The following SETD2 variants were observed in gnomAD, a reference collection of about 807,000 sequenced individuals.
The protein encoded by SETD2 is histone-lysine N-methyltransferase SETD2.
In SETD2, 31 loss-of-function variants were observed where a neutral mutation model predicts 242.1. The ratio of observed to expected loss-of-function variants is 0.13; its 90% confidence interval spans 0.10 to 0.17. SETD2 has a LOEUF of 0.17. Among genes scored for constraint, SETD2 ranks in the 10% least tolerant of loss-of-function variants. The pLI, the probability that SETD2 is intolerant of heterozygous loss-of-function variation, is 1.00. For missense variants in SETD2, 2,481 were observed against 3,046.3 expected, an observed-to-expected ratio of 0.81 and a Z score of 4.37; for synonymous variants, 1,006 against 1,066.5, an observed-to-expected ratio of 0.94 and a Z score of 1.11.
rs2107589287 is a variant in SETD2, at chr3:47,062,258, G to A, written c.6198C>T (p.Asp2066=). ...TPNRSRERDP[D]KQTQNKEKRK... ...TTTTCTCTTTATTTTGAGTTTGCTT[G>A]TCTGGGTCTCTCTCTCTTGACCTAT... Residue 2066 remains aspartate, a synonymous_variant, in exon 14 of 21, where the codon GAC becomes GAT. Coordinates refer to ENST00000409792, the MANE Select transcript of SETD2 (RefSeq NM_014159.7). 1 of 1,613,948 alleles carries A rather than the reference G, an allele frequency of 6.2e-7. No individual in the cohort carries two copies. The highest frequency in any genetic ancestry group is 1.1e-5 in the South Asian group (1 of 91,064).
intron 15 of SETD2, among the ~76,000 whole-genome samples, chr3:47,049,339 A>G (rs1484125072): frequency 4.7e-5 from 6 of 127,196 alleles, no homozygotes; most frequent in African/African-American, 1.8e-4. Context: ...ATATATATAT[A>G]TATATATATG....
Position 47,040,995 on chromosome 3 carries a change from T to C in SETD2, c.7238+1566A>G, listed in dbSNP as rs190400137. 8.5e-3 allele frequency among the ~76,000 whole-genome samples: 1,299 copies of C among 152,262 alleles called. 8 individuals carry two copies. Among genetic ancestry groups the C allele is most frequent in the Non-Finnish European group, 0.014 (923 of 68,022 alleles). ...ACCTGTTTTGCCCAACAATTCCACTTCTAAGTACCCTCTCGAAGAAGTAGT... is the reference window on the plus strand; with the variant it reads ...ACCTGTTTTGCCCAACAATTCCACTCCTAAGTACCCTCTCGAAGAAGTAGT... On this transcript the variant is annotated intron_variant, in intron 17 of 20. Coordinates refer to ENST00000409792, the MANE Select transcript of SETD2 (RefSeq NM_014159.7).
At chr3:47,084,853 C>T (rs2041484187) in intron 11 of SETD2, among the ~76,000 whole-genome samples, 1 of 151,884 alleles carries the variant, frequency 6.6e-6, no homozygotes, top group African/African-American at 2.4e-5. Flanking sequence ...GCCTCAGCCT[C>T]CCGAGGAGCT....
At chr3:47,157,279 A>G (rs914726736) in intron 1 of SETD2, among the ~76,000 whole-genome samples, 1 of 152,148 alleles carries the variant, frequency 6.6e-6, no homozygotes, top group Non-Finnish European at 1.5e-5. Flanking sequence ...AAAATTAGCC[A>G]GGAGTGGTGG....
Position 47,121,138 on chromosome 3 carries a change from A to C in SETD2, c.3498T>G (p.Asp1166Glu), listed in dbSNP as rs2106640709. 1 of 1,614,142 alleles carries C rather than the reference A, an allele frequency of 6.2e-7. No individual in the cohort carries two copies. The highest frequency in any genetic ancestry group is 8.5e-7 in the Non-Finnish European group (1 of 1,180,008). ...CTGTATGACTTGTACTATCAACCCCATCACTCTGAGGATGAGAAAGTTCAG... is the reference window on the plus strand; with the variant it reads ...CTGTATGACTTGTACTATCAACCCCCTCACTCTGAGGATGAGAAAGTTCAG... ...RLPELSHPQS[D>E]GVDSTSHTDV... The change falls in exon 3 of 21, where the codon GAT becomes GAG. Residue 1166 changes from aspartate to glutamate, a missense_variant. By Grantham distance (45) the Asp-to-Glu change is conservative. Around this residue, in one of 17 missense-constraint regions of SETD2, gnomAD observed 1,300 missense variants for 1,259.2 expected, o/e 1.03. Transcript: ENST00000409792.
intron 18 of SETD2, among the ~76,000 whole-genome samples, chr3:47,023,765 C>T (rs71328912): frequency 0.086 from 13,074 of 152,136 alleles, 750 homozygotes; most frequent in Non-Finnish European, 0.13. Context: ...GGGTATTATA[C>T]GCAACACAGA....
intron 14 of SETD2, among the ~76,000 whole-genome samples, chr3:47,059,440 G>A (rs1314037511): frequency 1.4e-5 from 2 of 145,096 alleles, no homozygotes; most frequent in African/African-American, 5.1e-5. Flanking sequence ...TTTTTTTTGA[G>A]ACGGAGTCTT....
At chr3:47,042,486 A>G (rs2039325886) in intron 17 of SETD2, 75 bp downstream of exon 17, 2 of 1,473,668 alleles carry the variant, frequency 1.4e-6, no homozygotes, top group Admixed American at 1.7e-5. Flanking sequence ...TTACAACTGT[A>G]AAACTCCCCT....
chr3:47,084,769 T>C (rs1178866437), intron 11 of SETD2, among the ~76,000 whole-genome samples: 1 of 151,864 alleles, frequency 6.6e-6, no homozygotes, highest in Non-Finnish European at 1.5e-5. Flanking sequence ...TTCGCTCTTG[T>C]TGCCCAGGCT....
At chr3:47,042,726 G>A (rs1366049386) in intron 16 of SETD2, 26 bp from the exon 17 acceptor site, 1 of 1,573,342 alleles carries the variant, frequency 6.4e-7, no homozygotes, top group Non-Finnish European at 8.6e-7. Context: ...ACACATTTTT[G>A]ATCAGTGATC....
intron 13 of SETD2, among the ~76,000 whole-genome samples, chr3:47,065,093 T>C (rs1332893335): frequency 1.3e-5 from 2 of 152,150 alleles, no homozygotes; most frequent in Admixed American, 6.5e-5. Flanking sequence ...GTGCTACTAA[T>C]AGTTTTAACT....
At chr3:47,090,839 G>C (rs2041775171) in intron 9 of SETD2, among the ~76,000 whole-genome samples, 1 of 152,086 alleles carries the variant, frequency 6.6e-6, no homozygotes, top group Non-Finnish European at 1.5e-5. Flanking sequence ...AAGCTAAAAG[G>C]AAAGAATCTT....
intron 1 of SETD2, among the ~76,000 whole-genome samples, chr3:47,160,626 TTTA>T (rs1388540586): frequency 2.0e-5 from 3 of 152,142 alleles, no homozygotes; most frequent in African/African-American, 7.2e-5. Context: ...TTCTATATCA[TTTA>T]TTATCACCCC....
intron 18 of SETD2, chr3:47,029,007 C>A (rs11917361): frequency 0.26 from 55,673 of 210,154 alleles, 9,653 homozygotes; most frequent in Middle Eastern, 0.36. Context: ...GCTCGACCAT[C>A]TCAATGTCAC....
At chr3:47,050,932 C>T (rs2039810239) in intron 15 of SETD2, among the ~76,000 whole-genome samples, 1 of 151,522 alleles carries the variant, frequency 6.6e-6, no homozygotes, top group South Asian at 2.1e-4. Context: ...AAGGTTTCAC[C>T]ATGTTGGCCA....
intron 18 of SETD2, among the ~76,000 whole-genome samples, chr3:47,029,351 C>T (rs377448420): frequency 6.6e-6 from 1 of 151,802 alleles, no homozygotes; most frequent in Non-Finnish European, 1.5e-5. Flanking sequence ...TGAGCCACTG[C>T]GTCAAGCCAC....
At chr3:47,115,403 A>G (rs1218443755) in intron 4 of SETD2, among the ~76,000 whole-genome samples, 1 of 152,182 alleles carries the variant, frequency 6.6e-6, no homozygotes, top group Admixed American at 6.6e-5. Context: ...AAGTTAGAAT[A>G]ATGCTAACTC....
At chr3:47,091,021 G>T (rs771181176) in intron 9 of SETD2, among the ~76,000 whole-genome samples, 5 of 152,160 alleles carry the variant, frequency 3.3e-5, no homozygotes, top group Non-Finnish European at 4.4e-5. Context: ...AGAGGTTGTA[G>T]AAACTCAAAC....
intron 17 of SETD2, among the ~76,000 whole-genome samples, chr3:47,038,528 TA>T (rs2039126510): frequency 6.6e-6 from 1 of 152,026 alleles, no homozygotes; most frequent in African/African-American, 2.4e-5. Context: ...GTCAGTAGAA[TA>T]ACTTCAACCT....
Sources: allele counts gnomAD v4.1 joint callset (sites outside exome capture counted in the v4.1 genomes callset), GRCh38; gene constraint gnomAD v4.1.1; regional missense constraint gnomAD v4.1.1; transcripts MANE v1.5; gene names NCBI Gene and HGNC (gene_info 2026-07-23, HGNC 2026-07-21).